ZNF124: variants seen among roughly 807,000 people sequenced by gnomAD.
ZNF124 encodes the protein zinc finger protein HZF-16.
A neutral mutation model predicts 26.6 loss-of-function variants in ZNF124; 25 were observed. The ratio of observed to expected loss-of-function variants is 0.94; its 90% CI spans 0.68 to 1.31. The LOEUF (loss-of-function observed/expected upper bound fraction) is 1.31, where lower values mean the gene tolerates loss of function less well. Ranked by LOEUF, ZNF124 falls within the 40% of genes most tolerant of loss-of-function variation. The probability of loss-of-function intolerance (pLI) is 0.00; values close to 1 mark genes in which losing one functional copy is unlikely to be tolerated. For synonymous variants in ZNF124, 129 were observed against 133.3 expected (o/e 0.97, Z 0.22); for missense variants, 444 against 422.2 (o/e 1.05, Z -0.45).
intron 3 of ZNF124, among the ~76,000 whole-genome samples, chr1:247,136,226 C>T (rs975555125): frequency 6.6e-6 from 1 of 152,062 alleles, no homozygotes; most frequent in African/African-American, 2.4e-5. Context: ...TTGTAGATGA[C>T]ATAATTTTAT....
intron 3 of ZNF124, among the ~76,000 whole-genome samples, chr1:247,141,403 G>A (rs1672623512): frequency 6.6e-6 from 1 of 152,106 alleles, no homozygotes; most frequent in Admixed American, 6.5e-5. Context: ...TGGGGCACCT[G>A]CACTGCTGGC....
chr1:247,133,199 A>G (rs1277059968), intron 3 of ZNF124, among the ~76,000 whole-genome samples: 1 of 152,164 alleles, frequency 6.6e-6, no homozygotes, highest in Non-Finnish European at 1.5e-5. Flanking sequence ...GAAAAGATGA[A>G]GACTGCCTTA....
chr1:247,127,863 T>C (rs1432856999), intron 3 of ZNF124, among the ~76,000 whole-genome samples: 4 of 76,994 alleles, frequency 5.2e-5, no homozygotes, highest in Admixed American at 2.3e-4. Flanking sequence ...CCCTTCCTTC[T>C]TTAACTCGGT....
chr1:247,160,871 AAG>A (rs200144057), intron 1 of ZNF124, among the ~76,000 whole-genome samples: 4,854 of 134,632 alleles, frequency 0.036, 152 homozygotes, highest in Admixed American at 0.1. Flanking sequence ...AAATTTAATC[AAG>A]AGGTAATTAA....
chr1:247,165,111 C>T (rs930643092), intron 1 of ZNF124, among the ~76,000 whole-genome samples: 3 of 152,104 alleles, frequency 2.0e-5, no homozygotes, highest in African/African-American at 4.8e-5. Flanking sequence ...TGACTACAGG[C>T]GCCTGCCACC....
chr1:247,165,764 C>T (rs1036837166), intron 1 of ZNF124, among the ~76,000 whole-genome samples: 1 of 152,118 alleles, frequency 6.6e-6, no homozygotes, highest in Non-Finnish European at 1.5e-5. Flanking sequence ...AGGACATGAA[C>T]ACTTTTCAAA....
intron 3 of ZNF124, among the ~76,000 whole-genome samples, chr1:247,131,826 C>G (rs1490922853): frequency 6.6e-6 from 1 of 152,200 alleles, no homozygotes; most frequent in Non-Finnish European, 1.5e-5. Context: ...TCTCTGCTGA[C>G]CAGCAGACTT....
At chr1:247,133,653 CTTT>C (rs1163588323) in intron 3 of ZNF124, among the ~76,000 whole-genome samples, 4 of 127,176 alleles carry the variant, frequency 3.1e-5, no homozygotes, top group Non-Finnish European at 1.6e-5. Context: ...ATTCAATATT[CTTT>C]TTTTTTTTTT....
chr1:247,136,807 C>T (rs75538952), intron 3 of ZNF124, among the ~76,000 whole-genome samples: 5,041 of 151,936 alleles, frequency 0.033, 287 homozygotes, highest in African/African-American at 0.11. Flanking sequence ...ATTAGCCAGG[C>T]GTGGTGGTGT....
At chr1:247,152,947 C>T (rs936148754), downstream of ZNF124, among the ~76,000 whole-genome samples, 3 of 152,086 alleles carry the variant, frequency 2.0e-5, no homozygotes, top group African/African-American at 7.2e-5. Flanking sequence ...TCCTGGCTAA[C>T]ACGGTGAAAC....
At chr1:247,169,471 TTC>T (rs1173478575) in intron 1 of ZNF124, among the ~76,000 whole-genome samples, 1 of 152,166 alleles carries the variant, frequency 6.6e-6, no homozygotes, top group Non-Finnish European at 1.5e-5. Context: ...CAGGAATCAT[TTC>T]TGTCTCTCCC....
At chr1:247,123,535 A>T (rs1304970884) in exon 4 of ZNF124, 2 of 291,728 alleles carry the variant, frequency 6.9e-6, no homozygotes, top group Non-Finnish European at 6.4e-6. Context: ...TTGGGATCAC[A>T]CACGTATCGA....
chr1:247,122,576 T>C (rs1293896084), exon 4 of ZNF124: 1 of 152,234 alleles, frequency 6.6e-6, no homozygotes, highest in Non-Finnish European at 1.5e-5. Context: ...GGTCTCCCTA[T>C]GTGTCCTAGG....
chr1:247,125,055 C>T (rs960287364), intron 3 of ZNF124, among the ~76,000 whole-genome samples: 7 of 151,608 alleles, frequency 4.6e-5, no homozygotes, highest in Non-Finnish European at 8.8e-5. Context: ...CACCTGCCTA[C>T]GCCTCCCAAA....
At chr1:247,126,538 G>C (rs1483430997) in intron 3 of ZNF124, among the ~76,000 whole-genome samples, 2 of 2,506 alleles carry the variant, frequency 8.0e-4, no homozygotes, top group Admixed American at 2.5e-3. Context: ...CCTGTGACCT[G>C]CATGTACTGG....
chr1:247,154,841 GA>G (rs1455616421), downstream of ZNF124, among the ~76,000 whole-genome samples: 3 of 152,078 alleles, frequency 2.0e-5, no homozygotes, highest in East Asian at 5.8e-4. Flanking sequence ...TCTTATTTTA[GA>G]AAGTCAATTA....
intron 2 of ZNF124, 27 bp downstream of exon 2, chr1:247,159,660 T>C (rs1673358911): frequency 6.2e-7 from 1 of 1,605,420 alleles, no homozygotes; most frequent in Non-Finnish European, 8.5e-7. Flanking sequence ...TCTGATTGAC[T>C]AAGTGAAGAA....
intron 3 of ZNF124, among the ~76,000 whole-genome samples, chr1:247,146,035 A>G (rs1261612992): frequency 6.6e-6 from 1 of 152,202 alleles, no homozygotes; most frequent in Non-Finnish European, 1.5e-5. Flanking sequence ...TTTTAATGCA[A>G]AAGACCAAAC....
At position 247,156,715 on chromosome 1, in the gene ZNF124, T is replaced by C. The variant is rs2103118937; in HGVS notation, c.907A>G (p.Ser303Gly). 1 of 1,613,358 alleles carries C rather than the reference T, an allele frequency of 6.2e-7. No individual in the cohort carries two copies. The highest frequency in any genetic ancestry group is 1.1e-5 in the South Asian group (1 of 90,936). The change falls in exon 4 of 4, where the codon AGT becomes GGT. Residue 303 changes from serine to glycine, a missense_variant. Ser to Gly is a moderately conservative substitution (Grantham distance 56). Coordinates refer to ENST00000543802, the MANE Select transcript of ZNF124 (RefSeq NM_001297568.2). ...NNCGKGFRCS[S>G]SLRDHERTHT... Reference sequence around the variant, plus strand: ...GTCCTTTCATGGTCACGAAGGGAACTGGAACATCTGAAGCCTTTACCACAA... The same window carrying C: ...GTCCTTTCATGGTCACGAAGGGAACCGGAACATCTGAAGCCTTTACCACAA...
Sources: allele counts gnomAD v4.1 joint callset (sites outside exome capture counted in the v4.1 genomes callset), GRCh38; gene constraint gnomAD v4.1.1; transcripts MANE v1.5; gene names NCBI Gene and HGNC (gene_info 2026-07-23, HGNC 2026-07-21).